Variants in SLC7A6 observed in about 807,000 individuals in gnomAD.
SLC7A6 encodes Y+L amino acid transporter 2.
Under a neutral mutation model 46.6 loss-of-function variants are expected in SLC7A6, and 29 were observed. That is an observed-to-expected ratio of 0.62 (90% CI 0.46 to 0.85). The LOEUF is 0.85. Ranked by LOEUF, SLC7A6 falls within the 40% of genes least tolerant of loss-of-function variation. The pLI is 0.00. For missense variants in SLC7A6, 527 were observed against 647.6 expected, an observed-to-expected ratio of 0.81 and a Z score of 2.02; for synonymous variants, 276 against 257.3, an observed-to-expected ratio of 1.07 and a Z score of -0.70.
At chr16:68,277,316 TTTTA>T (rs71145991) in intron 3 of SLC7A6, among the ~76,000 whole-genome samples, 48 of 135,954 alleles carry the variant, frequency 3.5e-4, no homozygotes, top group South Asian at 1.0e-3. Flanking sequence ...AGAAGAGTAC[TTTTA>T]TTTATTTATT....
chr16:68,265,427 C>T (rs1175644565), intron 1 of SLC7A6: 3 of 151,996 alleles, frequency 2.0e-5, no homozygotes, highest in Admixed American at 2.0e-4. Context: ...TCTTGTATGC[C>T]CTGGGCTTGG....
chr16:68,269,744 A>C (rs75218630), intron 2 of SLC7A6, among the ~76,000 whole-genome samples: 6,970 of 118,702 alleles, frequency 0.059, 537 homozygotes, highest in African/African-American at 0.21. Context: ...ACAAAGCAAG[A>C]CTCTGTCTCA....
chr16:68,290,256 C>G lies in SLC7A6; in HGVS notation c.650-140C>G, dbSNP rs990501317. On this transcript the variant is annotated intron_variant, in intron 4 of 10. Coordinates refer to ENST00000219343, the MANE Select transcript of SLC7A6 (RefSeq NM_003983.6). ...CTTGTTTTTTCTTTCTTGTTCCTCC[C>G]CATTCCTCCTTTTTTTCATCTTCCC... The G allele has an allele frequency of 7.2e-6, 6 of 830,362 alleles. No homozygotes were observed. The African/African-American group carries it at 1.0e-4, about 14-fold the overall frequency. The allele number at this position is 830,362 out of a possible 1,614,324, so 51.4% of individuals were successfully genotyped here.
intron 7 of SLC7A6, chr16:68,292,455 CACTTAGGAGAG>C (rs2043076810): frequency 6.6e-6 from 1 of 152,232 alleles, no homozygotes; most frequent in Admixed American, 6.5e-5. Flanking sequence ...CTCTCCTCTC[CACTTAGGAGAG>C]ACACAAAATA....
intron 2 of SLC7A6, among the ~76,000 whole-genome samples, chr16:68,269,496 G>A (rs893713302): frequency 6.6e-6 from 1 of 152,068 alleles, no homozygotes; most frequent in Non-Finnish European, 1.5e-5. Flanking sequence ...GTTACGTTAG[G>A]TGCACCAATG....
intron 3 of SLC7A6, among the ~76,000 whole-genome samples, chr16:68,282,451 A>T (rs1219191671): frequency 2.6e-5 from 4 of 152,090 alleles, no homozygotes; most frequent in South Asian, 2.1e-4. Context: ...AGGATACTTT[A>T]AAAAAAGACA....
At position 68,278,597 on chromosome 16, in the gene SLC7A6, C is replaced by T. The variant is rs548052205; in HGVS notation, c.523+3348C>T. ...TAATCCATTTAACCCTGAGTGGACA[C>T]AGCACATGTTTCAGAGAGCACCGGG... On this transcript the variant is annotated intron_variant, in intron 3 of 10. Coordinates refer to ENST00000219343, the MANE Select transcript of SLC7A6 (RefSeq NM_003983.6). Among the ~76,000 whole-genome samples, 4 of 152,006 alleles carry T rather than the reference C, an allele frequency of 2.6e-5. No homozygotes were observed. In the South Asian group the frequency reaches 8.3e-4, roughly 32 times the overall value.
chr16:68,289,729 T>A (rs984616722), intron 4 of SLC7A6, among the ~76,000 whole-genome samples: 1 of 152,148 alleles, frequency 6.6e-6, no homozygotes. Flanking sequence ...CTGAGGAGAA[T>A]GACAGGCTGG....
At chr16:68,287,420 G>C in intron 3 of SLC7A6, 2 of 1,315,114 alleles carry the variant, frequency 1.5e-6, no homozygotes, top group Non-Finnish European at 2.0e-6. Flanking sequence ...AACCTTGGGA[G>C]TCTGGGTGGG....
Position 68,275,156 on chromosome 16 carries a change from G to T in SLC7A6, c.430G>T (p.Ala144Ser). ...VVEPTGQAII[A>S]ITFANYIIQP... ...TGAGCCCACCGGTCAGGCCATCATC[G>T]CCATCACCTTTGCCAACTACATCAT... Residue 144 changes from alanine to serine, a missense_variant, in exon 3 of 11, where the codon GCC (alanine) becomes TCC (serine). Coordinates refer to ENST00000219343, the MANE Select transcript of SLC7A6 (RefSeq NM_003983.6). 2 of 1,614,010 alleles carry T rather than the reference G, an allele frequency of 1.2e-6. No homozygotes were observed. The highest frequency in any genetic ancestry group is 1.7e-6 in the Non-Finnish European group (2 of 1,180,014).
chr16:68,284,197 G>C (rs1487488260), intron 3 of SLC7A6: 1 of 152,258 alleles, frequency 6.6e-6, no homozygotes, highest in Non-Finnish European at 1.5e-5. Flanking sequence ...GCCTTCTGGT[G>C]CTACATTGTT....
intron 2 of SLC7A6, among the ~76,000 whole-genome samples, chr16:68,267,333 C>A (rs1023718336): frequency 2.0e-5 from 3 of 150,452 alleles, no homozygotes; most frequent in Non-Finnish European, 4.4e-5. Context: ...CATGCCTCAA[C>A]CTCCCGAGTA....
Position 68,300,899 on chromosome 16 carries a change from A to G in SLC7A6, c.*3571A>G. 1.0e-6 allele frequency: 1 copy of G among 994,342 alleles called. No individual in the cohort carries two copies. Among genetic ancestry groups the G allele is most frequent in the Admixed American group, 5.9e-5 (1 of 16,914 alleles). 61.6% of individuals were successfully genotyped at this position (994,342 alleles called of 1,614,324 possible). ...GAGGCAGGCAGCCTGGTGGTATGGC[A>G]CAGCAGAAGCTTACTGCTAATGAAA... On this transcript the variant is annotated 3_prime_UTR_variant, in exon 11 of 11. Transcript: ENST00000219343.
chr16:68,275,890 T>C (rs957714026), intron 3 of SLC7A6, among the ~76,000 whole-genome samples: 1 of 152,120 alleles, frequency 6.6e-6, no homozygotes, highest in African/African-American at 2.4e-5. Flanking sequence ...ACATTGCTAG[T>C]TGTAAGCCCA....
chr16:68,292,107 C>G (rs567300813), intron 7 of SLC7A6: 1 of 159,722 alleles, frequency 6.3e-6, no homozygotes, highest in East Asian at 1.9e-4. Context: ...TTCTAGGCTC[C>G]TTGTGGGTTA....
chr16:68,297,469 T>C lies in SLC7A6; in HGVS notation c.*141T>C. ...AGTGGGGCTCAGGGCCAGTGCTCACTCTTATTGGTAAGCTATAGGAGACTC... is the reference window on the plus strand; with the variant it reads ...AGTGGGGCTCAGGGCCAGTGCTCACCCTTATTGGTAAGCTATAGGAGACTC... On this transcript the variant is annotated 3_prime_UTR_variant, in exon 11 of 11. Coordinates refer to ENST00000219343, the MANE Select transcript of SLC7A6 (RefSeq NM_003983.6). 1 of 609,516 alleles carries C rather than the reference T, an allele frequency of 1.6e-6. No individual in the cohort carries two copies. The highest frequency in any genetic ancestry group is 2.8e-6 in the Non-Finnish European group (1 of 362,186). The allele number at this position is 609,516 out of a possible 1,614,324, so 37.8% of individuals were successfully genotyped here.
intron 3 of SLC7A6, among the ~76,000 whole-genome samples, chr16:68,285,109 T>G (rs2042905657): frequency 1.3e-5 from 2 of 152,248 alleles, no homozygotes; most frequent in Non-Finnish European, 2.9e-5. Flanking sequence ...CCTTCCTCTA[T>G]TTACTTATGG....
In SLC7A6 at chr16:68,296,662, C is replaced by T. The variant is rs755987852; in HGVS notation, c.1305C>T (p.Cys435=). The change falls in exon 10 of 11, where the codon TGC becomes TGT. Residue 435 remains cysteine, a synonymous_variant. Transcript: ENST00000219343. ...SVFFPIVFCI[C]SVFLVIVPLF... ...TTTTCCCCATCGTGTTCTGCATATGCTCCGTGTTTCTGGTGATAGTGCCCC... is the reference window on the plus strand; with the variant it reads ...TTTTCCCCATCGTGTTCTGCATATGTTCCGTGTTTCTGGTGATAGTGCCCC... 3.7e-6 allele frequency: 6 copies of T among 1,614,192 alleles called. No individual in the cohort carries two copies. Among genetic ancestry groups the T allele is most frequent in the Admixed American group, 3.3e-5 (2 of 60,020 alleles).
At chr16:68,296,317 C>G in intron 8 of SLC7A6, 47 bp from the exon 9 acceptor site, 2 of 1,608,546 alleles carry the variant, frequency 1.2e-6, no homozygotes, top group Non-Finnish European at 1.7e-6. Flanking sequence ...CTCCTGGGGG[C>G]GCAGGTGGTG....
Sources: allele counts gnomAD v4.1 joint callset (sites outside exome capture counted in the v4.1 genomes callset), GRCh38; gene constraint gnomAD v4.1.1; transcripts MANE v1.5; gene names NCBI Gene and HGNC (gene_info 2026-07-23, HGNC 2026-07-21).